Variants in GLP2R observed in about 807,000 individuals in gnomAD.
GLP2R encodes the protein glucagon-like peptide 2 receptor.
Under a neutral mutation model 68.2 loss-of-function variants are expected in GLP2R, and 59 were observed. The ratio of observed to expected loss-of-function variants is 0.87; its 90% CI spans 0.70 to 1.07. GLP2R has a LOEUF of 1.07. GLP2R is among the 50% of genes least tolerant of loss of function. The probability of loss-of-function intolerance (pLI) is 0.00; values close to 1 mark genes in which losing one functional copy is unlikely to be tolerated. For missense variants in GLP2R, 548 were observed against 677.4 expected (o/e 0.81, Z 2.12); for synonymous variants, 270 against 265.4 (o/e 1.02, Z -0.17).
Position 9,886,744 on chromosome 17 carries a change from C to T in GLP2R, c.1285-1188C>T, listed in dbSNP as rs112144212. Among the ~76,000 whole-genome samples, 141 of 152,256 alleles carry T rather than the reference C, an allele frequency of 9.3e-4. 1 individual carries two copies. The highest frequency in any genetic ancestry group is 3.1e-3 in the African/African-American group (128 of 41,548). Reference sequence around the variant, plus strand: ...GATCCTGGTCTGGCTCCAGAAGGGACATGCTGAACAAGGCTTACATAAGGA... The same window carrying T: ...GATCCTGGTCTGGCTCCAGAAGGGATATGCTGAACAAGGCTTACATAAGGA... On this transcript the variant is annotated intron_variant, in intron 11 of 12. Coordinates refer to ENST00000262441, the MANE Select transcript of GLP2R (RefSeq NM_004246.3).
intron 10 of GLP2R, among the ~76,000 whole-genome samples, chr17:9,877,235 C>T (rs2152046658): frequency 6.6e-6 from 1 of 152,216 alleles, no homozygotes; most frequent in African/African-American, 2.4e-5. Flanking sequence ...TTTAAATAAA[C>T]AAAAGGTTAT....
At position 9,857,573 on chromosome 17, in the gene GLP2R, A is replaced by G. The variant is rs760776468; in HGVS notation, c.762A>G (p.Ser254=). 6.2e-6 allele frequency: 10 copies of G among 1,614,016 alleles called. No homozygotes were observed. The Admixed American group carries it at 1.3e-4, about 22-fold the overall frequency. The change falls in exon 6 of 13, where the codon TCA becomes TCG. Residue 254 remains serine, a synonymous_variant. Transcript: ENST00000262441. Reference sequence around the variant, plus strand: ...AGAATGGGTGGATGTCCTACCTGTCAGAGGTAATCCCCTTCCCCACTGTTT... The same window carrying G: ...AGAATGGGTGGATGTCCTACCTGTCGGAGGTAATCCCCTTCCCCACTGTTT... ...DNENGWMSYL[S]EMSTSCRSVQ...
intron 4 of GLP2R, among the ~76,000 whole-genome samples, chr17:9,849,436 T>C (rs2066871324): frequency 6.6e-6 from 1 of 152,068 alleles, no homozygotes; most frequent in African/African-American, 2.4e-5. Flanking sequence ...GCCTATTTCA[T>C]CCATATTTAA....
intron 5 of GLP2R, among the ~76,000 whole-genome samples, chr17:9,856,151 G>C (rs2152038256): frequency 6.6e-6 from 1 of 152,266 alleles, no homozygotes; most frequent in Non-Finnish European, 1.5e-5. Context: ...CTTGAGCTAT[G>C]GGAGAACTCT....
chr17:9,832,418 C>A (rs1428292160), intron 1 of GLP2R, among the ~76,000 whole-genome samples: 1 of 152,118 alleles, frequency 6.6e-6, no homozygotes, highest in African/African-American at 2.4e-5. Context: ...ACTAAAAATA[C>A]AAAAATTAGC....
At position 9,848,681 on chromosome 17, in the gene GLP2R, CA is replaced by C. The variant is rs575311770; in HGVS notation, c.505-5806del. 1.5e-4 allele frequency among the ~76,000 whole-genome samples: 22 copies of C among 151,672 alleles called. No individual in the cohort carries two copies. The East Asian group carries it at 3.9e-3, about 27-fold the overall frequency. ...TATTTCCAAGAATTCAAATACTTAA[CA>C]AAAAAAACAACTTCTGGCCATGTTT... On this transcript the variant is annotated intron_variant, in intron 4 of 12. Coordinates refer to ENST00000262441, the MANE Select transcript of GLP2R (RefSeq NM_004246.3).
chr17:9,863,033 G>A (rs773845295), intron 9 of GLP2R, among the ~76,000 whole-genome samples: 3 of 152,158 alleles, frequency 2.0e-5, no homozygotes, highest in Non-Finnish European at 4.4e-5. Context: ...TGGGAAAACC[G>A]AGAGTGTGGA....
In GLP2R at chr17:9,860,077, C is replaced by T. The variant is rs187679366; in HGVS notation, c.901C>T (p.Pro301Ser). Residue 301 changes from proline to serine, a missense_variant, in exon 7 of 13, where the codon CCC becomes TCC. Pro to Ser is a moderately conservative substitution (Grantham distance 74). Coordinates refer to ENST00000262441, the MANE Select transcript of GLP2R (RefSeq NM_004246.3). ...AGTGCTTCCTGAGAGGCGGCTGTGG[C>T]CCAGATACCTGCTGTTGGGTTGGGG... ...PTVLPERRLW[P>S]RYLLLGWAFP... 1.2e-6 allele frequency: 2 copies of T among 1,609,350 alleles called. No homozygotes were observed. The highest frequency in any genetic ancestry group is 1.7e-6 in the Non-Finnish European group (2 of 1,177,580).
intron 11 of GLP2R, among the ~76,000 whole-genome samples, chr17:9,887,615 T>G (rs2067255114): frequency 6.6e-6 from 1 of 152,132 alleles, no homozygotes; most frequent in Admixed American, 6.5e-5. Flanking sequence ...ATTTGTATAA[T>G]TGAATGAATG....
intron 9 of GLP2R, chr17:9,866,038 C>G (rs1275757190): frequency 2.5e-6 from 1 of 401,406 alleles, no homozygotes; most frequent in Non-Finnish European, 5.0e-6. Context: ...CTGCACAGCT[C>G]TAGGATTCTA....
At chr17:9,877,764 G>C (rs7219741) in intron 10 of GLP2R, among the ~76,000 whole-genome samples, 76,753 of 151,036 alleles carry the variant, frequency 0.51, 21,250 homozygotes, top group African/African-American at 0.74. Flanking sequence ...GTATTCCCAG[G>C]TACTCGGGAA....
intron 11 of GLP2R, among the ~76,000 whole-genome samples, chr17:9,887,727 G>T (rs150499767): frequency 6.6e-6 from 1 of 152,152 alleles, no homozygotes. Flanking sequence ...CGGGCGGGGC[G>T]CTGGATGTCA....
intron 11 of GLP2R, 85 bp downstream of exon 11, chr17:9,880,601 C>T (rs951957621): frequency 2.6e-5 from 23 of 890,548 alleles, no homozygotes; most frequent in Admixed American, 5.1e-5. Flanking sequence ...TTAAGGAGCC[C>T]GTGGATGAAA....
At chr17:9,842,947 C>A (rs2066801853) in intron 4 of GLP2R, among the ~76,000 whole-genome samples, 1 of 152,190 alleles carries the variant, frequency 6.6e-6, no homozygotes, top group Non-Finnish European at 1.5e-5. Flanking sequence ...GTCCAAATAT[C>A]TCCTTCAAAG....
chr17:9,867,754 A>AT (rs1304888377), intron 9 of GLP2R, among the ~76,000 whole-genome samples: 1 of 152,176 alleles, frequency 6.6e-6, no homozygotes, highest in Non-Finnish European at 1.5e-5. Flanking sequence ...AACAAATTGA[A>AT]TGAACCATCT....
chr17:9,834,628 T>A (rs1388475209), intron 2 of GLP2R: 5 of 152,450 alleles, frequency 3.3e-5, no homozygotes, highest in Non-Finnish European at 7.3e-5. Flanking sequence ...CTGAGCCTAC[T>A]GAGGACAATC....
At chr17:9,857,153 G>A (rs113322867) in intron 5 of GLP2R, among the ~76,000 whole-genome samples, 1,957 of 152,166 alleles carry the variant, frequency 0.013, 26 homozygotes, top group African/African-American at 0.017. Flanking sequence ...ATCTCCTGAC[G>A]TCATGATCCG....
intron 1 of GLP2R, among the ~76,000 whole-genome samples, chr17:9,827,970 A>G (rs1237656632): frequency 6.6e-6 from 1 of 151,354 alleles, no homozygotes; most frequent in Non-Finnish European, 1.5e-5. Flanking sequence ...CAAAAAAAAA[A>G]AAAAAAAAAA....
Position 9,826,191 on chromosome 17 carries a change from G to T in GLP2R, c.128G>T (p.Cys43Phe), listed in dbSNP as rs1156785936. The T allele has an allele frequency of 3.1e-6, 5 of 1,613,394 alleles. No individual in the cohort carries two copies. The highest frequency in any genetic ancestry group is 4.2e-6 in the Non-Finnish European group (5 of 1,179,860). The part of the protein sequence containing the change: ...GTSPLSFHRK[C>F]SLWAPGRPFL... ...AGTCCTCTCTCCTTCCACAGGAAGT[G>T]CTCTCTCTGGGCCCCTGGGAGGCCC... The change falls in exon 1 of 13, where the codon TGC becomes TTC. Residue 43 changes from cysteine (C) to phenylalanine (F), a missense_variant. Transcript: ENST00000262441.
Sources: gnomAD v4.1 joint callset for allele counts (sites outside exome capture counted in the v4.1 genomes callset) on GRCh38, gnomAD v4.1.1 for gene constraint, MANE v1.5 for transcripts, NCBI Gene and HGNC (gene_info 2026-07-23, HGNC 2026-07-21) for gene names.